Variants in CLVS1 observed in about 807,000 individuals in gnomAD.
The protein encoded by CLVS1 is clavesin-1.
CLVS1 carries 10 observed loss-of-function variants against 33.1 expected under a neutral mutation model. The ratio of observed to expected loss-of-function variants is 0.30; its 90% CI spans 0.19 to 0.51. The LOEUF (loss-of-function observed/expected upper bound fraction) is 0.51, where lower values mean the gene tolerates loss of function less well. Ranked by LOEUF, CLVS1 falls within the 20% of genes least tolerant of loss-of-function variation. The pLI is 0.97. For missense variants in CLVS1, 343 were observed against 433.4 expected (o/e 0.79, Z 1.85); for synonymous variants, 163 against 166.1 (o/e 0.98, Z 0.14).
chr8:61,170,313 CCTCT>C (rs772824008), intron 2 of CLVS1, among the ~76,000 whole-genome samples: 1 of 151,982 alleles, frequency 6.6e-6, no homozygotes, highest in Non-Finnish European at 1.5e-5. Flanking sequence ...TGTCTCTGTC[CCTCT>C]CTCTCACTTT....
At chr8:61,455,271 T>C (rs1056514008) in intron 4 of CLVS1, among the ~76,000 whole-genome samples, 3 of 152,032 alleles carry the variant, frequency 2.0e-5, no homozygotes, top group Non-Finnish European at 4.4e-5. Context: ...TTATTACTTA[T>C]TACAGTATCC....
intron 2 of CLVS1, among the ~76,000 whole-genome samples, chr8:61,218,548 C>A (rs529510082): frequency 6.6e-6 from 1 of 150,842 alleles, no homozygotes; most frequent in African/African-American, 2.4e-5. Context: ...TTAAAGGATA[C>A]AAAATTACCC....
At chr8:61,438,533 G>A (rs1816428245) in intron 3 of CLVS1, among the ~76,000 whole-genome samples, 1 of 152,012 alleles carries the variant, frequency 6.6e-6, no homozygotes, top group Admixed American at 6.6e-5. Context: ...TATTCCTTTG[G>A]GTATATACCC....
the CLVS1 span, among the ~76,000 whole-genome samples, chr8:61,012,086 G>A: frequency 6.6e-6 from 1 of 152,212 alleles, no homozygotes; most frequent in Admixed American, 6.5e-5. Context: ...AGGGATGCTG[G>A]ACCCTGCACA....
chr8:61,449,471 T>C (rs564651684), intron 3 of CLVS1, among the ~76,000 whole-genome samples: 1 of 152,350 alleles, frequency 6.6e-6, no homozygotes, highest in East Asian at 1.9e-4. Context: ...AGGGATGTTA[T>C]GCATCTTGTT....
chr8:61,294,738 A>G (rs763896451), intron 1 of CLVS1, among the ~76,000 whole-genome samples: 41 of 135,598 alleles, frequency 3.0e-4, no homozygotes, highest in Non-Finnish European at 4.9e-4. Flanking sequence ...TTCCTGATAT[A>G]TTGTATGTGT....
At chr8:61,025,344 T>C in the CLVS1 span, among the ~76,000 whole-genome samples, 17 of 152,208 alleles carry the variant, frequency 1.1e-4, no homozygotes, top group African/African-American at 1.7e-4. Flanking sequence ...AGGTTACAAA[T>C]CTCTGGAGAT....
At chr8:61,350,499 C>A (rs1812410172) in intron 2 of CLVS1, among the ~76,000 whole-genome samples, 1 of 152,126 alleles carries the variant, frequency 6.6e-6, no homozygotes, top group South Asian at 2.1e-4. Flanking sequence ...TTTCAATAAA[C>A]CATTAGGAGA....
chr8:61,495,962 G>T (rs1027598840), intron 5 of CLVS1, among the ~76,000 whole-genome samples: 1 of 152,194 alleles, frequency 6.6e-6, no homozygotes, highest in Non-Finnish European at 1.5e-5. Context: ...AAAGGTACTT[G>T]TGTCTACTCT....
chr8:60,996,606 C>T, the CLVS1 span, among the ~76,000 whole-genome samples: 17 of 152,304 alleles, frequency 1.1e-4, no homozygotes, highest in Middle Eastern at 3.4e-3. Flanking sequence ...GCTATTGGGC[C>T]TCTATTCTCT....
At chr8:61,189,637 G>T (rs908618788) in intron 2 of CLVS1, among the ~76,000 whole-genome samples, 1 of 152,156 alleles carries the variant, frequency 6.6e-6, no homozygotes, top group Non-Finnish European at 1.5e-5. Flanking sequence ...CATCTCATGT[G>T]CAGAGACACA....
At chr8:61,499,393 G>A in intron 5 of CLVS1, 62 bp from the exon 6 acceptor site, 2 of 1,201,452 alleles carry the variant, frequency 1.7e-6, no homozygotes, top group Non-Finnish European at 2.5e-6. Context: ...TGTCTTCAAA[G>A]GTTCCAAAAT....
chr8:61,399,916 A>G (rs2129603502), intron 3 of CLVS1, among the ~76,000 whole-genome samples: 1 of 152,124 alleles, frequency 6.6e-6, no homozygotes, highest in Middle Eastern at 3.4e-3. Flanking sequence ...GTGCCATTAC[A>G]ATGTTGTTTT....
At chr8:61,236,809 G>A (rs58784874) in intron 2 of CLVS1, among the ~76,000 whole-genome samples, 33,028 of 152,072 alleles carry the variant, frequency 0.22, 6,235 homozygotes, top group East Asian at 0.68. Context: ...CAAGAGAGCT[G>A]AGTCGCTTCC....
intron 2 of CLVS1, among the ~76,000 whole-genome samples, chr8:61,172,205 A>G (rs754044543): frequency 5.9e-5 from 9 of 152,164 alleles, no homozygotes; most frequent in Admixed American, 3.3e-4. Context: ...CAGGTTACAT[A>G]AAAGGCATTT....
intron 2 of CLVS1, among the ~76,000 whole-genome samples, chr8:61,369,214 T>G (rs540454667): frequency 6.6e-6 from 1 of 152,222 alleles, no homozygotes; most frequent in African/African-American, 2.4e-5. Context: ...TTCAGGGTAG[T>G]AAATTTAATA....
At chr8:61,161,069 A>G (rs929383909) in intron 2 of CLVS1, among the ~76,000 whole-genome samples, 2 of 152,230 alleles carry the variant, frequency 1.3e-5, no homozygotes, top group African/African-American at 4.8e-5. Context: ...AAACAGGTAT[A>G]TGAAAAATGC....
At chr8:61,081,656 G>A (rs1805021680) in intron 1 of CLVS1, among the ~76,000 whole-genome samples, 4 of 152,212 alleles carry the variant, frequency 2.6e-5, no homozygotes, top group Admixed American at 2.6e-4. Flanking sequence ...CTGGCTTCCA[G>A]TCTGGTGTAT....
intron 4 of CLVS1, among the ~76,000 whole-genome samples, chr8:61,455,178 TTG>T (rs35160609): frequency 0.035 from 5,162 of 147,454 alleles, 96 homozygotes; most frequent in African/African-American, 0.05. Flanking sequence ...TAATTATGAT[TTG>T]TGTGTGTGTG....
Sources: gnomAD v4.1 joint callset for allele counts (sites outside exome capture counted in the v4.1 genomes callset) on GRCh38, gnomAD v4.1.1 for gene constraint, MANE v1.5 for transcripts, NCBI Gene and HGNC (gene_info 2026-07-23, HGNC 2026-07-21) for gene names.